IL1RAPL2: variants seen among roughly 807,000 people sequenced by gnomAD.
IL1RAPL2 encodes the protein X-linked interleukin-1 receptor accessory protein-like 2.
Under a neutral mutation model 44.1 loss-of-function variants are expected in IL1RAPL2, and 3 were observed. That is an observed-to-expected ratio of 0.07 (90% CI 0.03 to 0.18). The LOEUF is 0.18. Among genes scored for constraint, IL1RAPL2 ranks in the 10% least tolerant of loss-of-function variants. The pLI is 1.00. For missense variants in IL1RAPL2, 391 were observed against 496.4 expected, an observed-to-expected ratio of 0.79 and a Z score of 2.02; for synonymous variants, 181 against 178.8, an observed-to-expected ratio of 1.01 and a Z score of -0.10.
intron 6 of IL1RAPL2, among the ~76,000 whole-genome samples, chrX:105,590,841 GTGTGTGTT>G (rs1420894672): frequency 5.9e-5 from 6 of 101,218 alleles, no homozygotes; most frequent in African/African-American, 2.5e-4. Context: ...GTGTGTGTGT[GTGTGTGTT>G]TGTGTGTGTT....
intron 2 of IL1RAPL2, among the ~76,000 whole-genome samples, chrX:104,776,130 C>T (rs997108415): frequency 8.9e-6 from 1 of 111,861 alleles, no homozygotes; most frequent in Non-Finnish European, 1.9e-5. Context: ...ATTTGATGGA[C>T]ACATTTTGTG....
intron 1 of IL1RAPL2, among the ~76,000 whole-genome samples, chrX:104,606,417 G>T (rs1034805689): frequency 8.9e-6 from 1 of 111,770 alleles, no homozygotes; most frequent in Non-Finnish European, 1.9e-5. Flanking sequence ...CACAAGACAA[G>T]GATGCCCTCT....
chrX:104,848,704 GA>G (rs1922134534), intron 2 of IL1RAPL2, among the ~76,000 whole-genome samples: 2 of 108,104 alleles, frequency 1.9e-5, no homozygotes, highest in African/African-American at 6.7e-5. Flanking sequence ...AATCTAGGAA[GA>G]ACTTTTGAGC....
At chrX:104,636,883 G>T (rs1193137617) in intron 1 of IL1RAPL2, among the ~76,000 whole-genome samples, 1 of 111,538 alleles carries the variant, frequency 9.0e-6, no homozygotes, top group African/African-American at 3.3e-5. Context: ...CTAGTGAGAT[G>T]AACCCGGTAC....
At chrX:104,658,448 C>T (rs1165621831) in intron 1 of IL1RAPL2, among the ~76,000 whole-genome samples, 2 of 111,521 alleles carry the variant, frequency 1.8e-5, no homozygotes, top group Non-Finnish European at 3.8e-5. Context: ...GGGATCATCA[C>T]AAACCAGGGC....
intron 5 of IL1RAPL2, among the ~76,000 whole-genome samples, chrX:105,483,555 T>G (rs1051697973): frequency 3.6e-5 from 4 of 111,268 alleles, no homozygotes; most frequent in Non-Finnish European, 7.5e-5. Flanking sequence ...CCCTTAAGTT[T>G]CGTATGGAGA....
chrX:105,223,681 G>T (rs1455036673), intron 3 of IL1RAPL2, among the ~76,000 whole-genome samples: 1 of 111,799 alleles, frequency 8.9e-6, no homozygotes, highest in African/African-American at 3.3e-5. Context: ...CATGATTAGG[G>T]CTTGAACTGT....
At chrX:105,324,201 G>A (rs1461132637) in intron 5 of IL1RAPL2, among the ~76,000 whole-genome samples, 2 of 110,773 alleles carry the variant, frequency 1.8e-5, no homozygotes, top group Non-Finnish European at 3.8e-5. Flanking sequence ...GCACAGCAGA[G>A]GAGTTGAAAT....
chrX:105,680,370 C>A (rs2037913956), intron 6 of IL1RAPL2, among the ~76,000 whole-genome samples: 1 of 112,335 alleles, frequency 8.9e-6, no homozygotes, highest in Admixed American at 9.4e-5. Flanking sequence ...ACCTTCCTTA[C>A]TCATCTGTAA....
intron 1 of IL1RAPL2, among the ~76,000 whole-genome samples, chrX:104,643,714 T>G (rs1180453694): frequency 9.0e-6 from 1 of 111,348 alleles, no homozygotes; most frequent in Non-Finnish European, 1.9e-5. Context: ...ATACTTGCAC[T>G]TTTCTTTTGC....
At chrX:105,218,848 A>T in intron 3 of IL1RAPL2, 2 of 603,233 alleles carry the variant, frequency 3.3e-6, no homozygotes, top group Admixed American at 3.2e-5. Context: ...TCCTTCCCCC[A>T]CTCTTCCCAG....
chrX:105,322,217 T>C (rs1265495547), intron 5 of IL1RAPL2, among the ~76,000 whole-genome samples: 2 of 112,911 alleles, frequency 1.8e-5, no homozygotes, highest in Non-Finnish European at 3.7e-5. Context: ...CCACATCTGC[T>C]ATACAATATT....
At chrX:105,029,798 C>G (rs2031450732) in intron 2 of IL1RAPL2, among the ~76,000 whole-genome samples, 1 of 111,146 alleles carries the variant, frequency 9.0e-6, no homozygotes, top group African/African-American at 3.3e-5. Context: ...AATGGTATTT[C>G]TAGTTCTAGA....
At chrX:104,837,810 T>C (rs1191895075) in intron 2 of IL1RAPL2, among the ~76,000 whole-genome samples, 2 of 112,020 alleles carry the variant, frequency 1.8e-5, no homozygotes, top group Non-Finnish European at 3.8e-5. Context: ...CCCATACCTA[T>C]GTCCTGAATG....
At chrX:105,535,668 G>A (rs1322271524) in intron 6 of IL1RAPL2, among the ~76,000 whole-genome samples, 1 of 111,992 alleles carries the variant, frequency 8.9e-6, no homozygotes, top group Non-Finnish European at 1.9e-5. Flanking sequence ...ACTAGACTGA[G>A]TGAAAGAAGC....
At chrX:105,380,939 T>C (rs1394294371) in intron 5 of IL1RAPL2, among the ~76,000 whole-genome samples, 3 of 111,414 alleles carry the variant, frequency 2.7e-5, no homozygotes, top group Non-Finnish European at 5.7e-5. Flanking sequence ...AATTATCATA[T>C]TAGCTATTAT....
At chrX:105,158,369 G>A (rs2033289761) in intron 2 of IL1RAPL2, among the ~76,000 whole-genome samples, 1 of 109,731 alleles carries the variant, frequency 9.1e-6, no homozygotes, top group Admixed American at 9.6e-5. Context: ...AAAAAAAAAA[G>A]AAAAAATCTA....
intron 2 of IL1RAPL2, among the ~76,000 whole-genome samples, chrX:105,177,507 G>T (rs936893181): frequency 6.3e-5 from 7 of 110,918 alleles, no homozygotes; most frequent in African/African-American, 2.0e-4. Context: ...TAGAAAAATC[G>T]TCTTCCATGA....
chrX:104,671,196 G>A lies in IL1RAPL2; in HGVS notation c.82+12201G>A, dbSNP rs554848480. 9.2e-5 allele frequency among the ~76,000 whole-genome samples: 10 copies of A among 109,085 alleles called. No homozygotes were observed. In the South Asian group the frequency reaches 1.6e-3, roughly 17 times the overall value. The allele number at this position is 109,085 out of a possible 115,157, so 94.7% of individuals were successfully genotyped here. A position where few individuals can be genotyped will look rare whatever the true frequency, so the allele number is the denominator to read the frequency against. On this transcript the variant is annotated intron_variant, in intron 2 of 10. Transcript: ENST00000372582. ...CATGTGTATACACACACACACACACGCACACACACAAACACACAATTCATT... is the reference window on the plus strand; with the variant it reads ...CATGTGTATACACACACACACACACACACACACACAAACACACAATTCATT...
Sources: allele counts gnomAD v4.1 joint callset (sites outside exome capture counted in the v4.1 genomes callset), GRCh38; gene constraint gnomAD v4.1.1; transcripts MANE v1.5; gene names NCBI Gene and HGNC (gene_info 2026-07-23, HGNC 2026-07-21).